The following CSMD2 variants were observed in gnomAD, a reference collection of about 807,000 sequenced individuals.
CSMD2 encodes CUB and Sushi multiple domains 2, also known as CUB and sushi domain-containing protein 2.
A neutral mutation model predicts 398.5 loss-of-function variants in CSMD2; 130 were observed. That is an observed-to-expected ratio of 0.33 (90% confidence interval 0.28 to 0.38). The LOEUF (loss-of-function observed/expected upper bound fraction) is 0.38, where lower values mean the gene tolerates loss of function less well. Among genes scored for constraint, CSMD2 ranks in the 10% least tolerant of loss-of-function variants. The probability of loss-of-function intolerance (pLI) is 1.00; values close to 1 mark genes in which losing one functional copy is unlikely to be tolerated. For missense variants in CSMD2, 3,829 were observed against 4,764.9 expected (o/e 0.80, Z 5.78); for synonymous variants, 1,828 against 1,908.5 (o/e 0.96, Z 1.10).
chr1:33,527,900 C>A (rs1052287684), intron 64 of CSMD2, among the ~76,000 whole-genome samples: 30 of 148,252 alleles, frequency 2.0e-4, no homozygotes, highest in Admixed American at 1.4e-3. Flanking sequence ...AAGATCATGC[C>A]ACTGCACTCC....
rs1643449709 is a variant in CSMD2 at position 33,646,718 on chromosome 1, G to C, written c.4704C>G (p.Ser1568Arg). The C allele has an allele frequency of 6.2e-7, 1 of 1,614,058 alleles. No homozygotes were observed. Among genetic ancestry groups the C allele is most frequent in the East Asian group, 2.2e-5 (1 of 44,894 alleles). ...SQLPGRIESS[S>R]NSLFLAFRSD... The stretch of plus-strand genomic sequence containing the variant: ...TGCGGAAGGCGAGGAAGAGGCTGTT[G>C]CTGCTGCTTTCAATGCGGCCTGGGA... Residue 1568 changes from serine to arginine, a missense_variant, in exon 29 of 71, where the codon AGC becomes AGG. By Grantham distance (110) the Ser-to-Arg change is moderately radical. Coordinates refer to ENST00000373381, the MANE Select transcript of CSMD2 (RefSeq NM_001281956.2).
At chr1:33,540,475 G>T (rs1656225681) in intron 60 of CSMD2, 50 bp downstream of exon 60, 1 of 1,595,830 alleles carries the variant, frequency 6.3e-7, no homozygotes, top group Non-Finnish European at 8.6e-7. Context: ...GGAGGCAAGG[G>T]GAAGGAGCTA....
intron 6 of CSMD2, among the ~76,000 whole-genome samples, chr1:33,832,357 C>T (rs563150704): frequency 3.3e-5 from 5 of 151,110 alleles, no homozygotes; most frequent in East Asian, 1.9e-4. Context: ...GATTCAGAAA[C>T]GGACTCAAAA....
At chr1:33,737,995 C>T (rs1646938368) in intron 15 of CSMD2, among the ~76,000 whole-genome samples, 2 of 151,924 alleles carry the variant, frequency 1.3e-5, no homozygotes, top group African/African-American at 2.4e-5. Flanking sequence ...GCTTGGGCCC[C>T]TCTCACTCAA....
At chr1:33,634,625 A>G (rs1335852850) in intron 31 of CSMD2, among the ~76,000 whole-genome samples, 2 of 152,226 alleles carry the variant, frequency 1.3e-5, no homozygotes, top group African/African-American at 4.8e-5. Flanking sequence ...ACTGCCAACC[A>G]GGTAATGAGC....
chr1:34,110,647 TAC>T (rs1457284875), intron 1 of CSMD2, among the ~76,000 whole-genome samples: 3 of 152,154 alleles, frequency 2.0e-5, no homozygotes, highest in Admixed American at 6.6e-5. Flanking sequence ...CACATATTCT[TAC>T]TTATAAGTGG....
At chr1:33,748,688 A>G in intron 13 of CSMD2, among the ~76,000 whole-genome samples, 1 of 152,204 alleles carries the variant, frequency 6.6e-6, no homozygotes, top group Non-Finnish European at 1.5e-5. Context: ...GCCCATTACA[A>G]AATAAAGATA....
intron 3 of CSMD2, among the ~76,000 whole-genome samples, chr1:34,031,205 G>C (rs1650365177): frequency 6.6e-6 from 1 of 151,808 alleles, no homozygotes; most frequent in South Asian, 2.1e-4. Flanking sequence ...TGGGATTACA[G>C]GTGTGTAACA....
intron 3 of CSMD2, among the ~76,000 whole-genome samples, chr1:34,012,033 G>C (rs74070213): frequency 6.6e-6 from 1 of 152,160 alleles, no homozygotes; most frequent in Non-Finnish European, 1.5e-5. Flanking sequence ...GCTAGAAGCC[G>C]TTTCCTCATC....
At chr1:33,768,738 T>C (rs1404098967) in intron 13 of CSMD2, among the ~76,000 whole-genome samples, 2 of 152,130 alleles carry the variant, frequency 1.3e-5, no homozygotes, top group African/African-American at 4.8e-5. Flanking sequence ...AGCTCAAGTC[T>C]TGTATCTTCT....
chr1:34,115,801 GCT>G (rs1661546006), intron 1 of CSMD2, among the ~76,000 whole-genome samples: 6 of 152,022 alleles, frequency 3.9e-5, no homozygotes, highest in Non-Finnish European at 7.4e-5. Flanking sequence ...TCGTGATATT[GCT>G]AATACAAAGT....
intron 1 of CSMD2, among the ~76,000 whole-genome samples, chr1:34,102,220 C>A (rs145322543): frequency 6.6e-6 from 1 of 152,024 alleles, no homozygotes; most frequent in Non-Finnish European, 1.5e-5. Flanking sequence ...TTAGTAGAGA[C>A]GGGGTTTCAC....
intron 15 of CSMD2, among the ~76,000 whole-genome samples, chr1:33,732,630 A>C (rs1048746517): frequency 3.3e-5 from 5 of 152,162 alleles, no homozygotes; most frequent in African/African-American, 1.2e-4. Context: ...AAATAAATTT[A>C]TGTTGTTTAA....
chr1:33,758,212 T>G (rs920755668), intron 13 of CSMD2, among the ~76,000 whole-genome samples: 1 of 152,242 alleles, frequency 6.6e-6, no homozygotes, highest in Non-Finnish European at 1.5e-5. Flanking sequence ...AATCCATGTT[T>G]GTATTTTTGC....
Position 33,600,880 on chromosome 1 carries a change from C to T in CSMD2, c.6841G>A (p.Ala2281Thr), listed in dbSNP as rs370698179. Residue 2281 changes from alanine (A) to threonine (T), a missense_variant, in exon 44 of 71, where the codon GCC (alanine) becomes ACC (threonine). Coordinates refer to ENST00000373381, the MANE Select transcript of CSMD2 (RefSeq NM_001281956.2). ...HRDAATGGIFAIAFSAYPLTK... is the reference protein window; with the variant it reads ...HRDAATGGIFTIAFSAYPLTK... ...CCATACTGACCGGAGAAAGCTATGG[C>T]GAAGATCCCCCCTGTGGCTGCATCA... The T allele has an allele frequency of 9.3e-6, 15 of 1,613,992 alleles. No individual in the cohort carries two copies. The highest frequency in any genetic ancestry group is 1.6e-4 in the Middle Eastern group (1 of 6,084).
chr1:33,656,204 G>A (rs1643940978), intron 27 of CSMD2, among the ~76,000 whole-genome samples: 1 of 152,116 alleles, frequency 6.6e-6, no homozygotes, highest in African/African-American at 2.4e-5. Context: ...TTGAGATTGG[G>A]GTTAGGCGTG....
chr1:34,015,477 T>C (rs1647956389), intron 3 of CSMD2, among the ~76,000 whole-genome samples: 1 of 152,158 alleles, frequency 6.6e-6, no homozygotes, highest in Admixed American at 6.5e-5. Context: ...GTGAGAGGCA[T>C]GAGGAGCCAC....
chr1:33,997,930 T>C (rs1051355429), intron 3 of CSMD2, among the ~76,000 whole-genome samples: 50 of 152,192 alleles, frequency 3.3e-4, no homozygotes, highest in African/African-American at 1.1e-3. Flanking sequence ...TCCAGCAAGA[T>C]AGGATGGGCA....
In CSMD2 at chr1:33,636,589, C is replaced by T. The variant is rs1239261405; in HGVS notation, c.4775-35G>A. On this transcript the variant is annotated intron_variant, in intron 29 of 70. Transcript: ENST00000373381. The surrounding 1 kb of genome is among the most constrained non-coding windows in gnomAD (Gnocchi z 4.8). Reference sequence around the variant, plus strand: ...AGAAATACAAACACGTGCACACACACAGAGGGCTCATGAGGAGGCTATTCT... The same window carrying T: ...AGAAATACAAACACGTGCACACACATAGAGGGCTCATGAGGAGGCTATTCT... The T allele has an allele frequency of 6.9e-6, 11 of 1,586,384 alleles. No homozygotes were observed. The highest frequency in any genetic ancestry group is 9.5e-6 in the Non-Finnish European group (11 of 1,157,164).
Sources: allele counts gnomAD v4.1 joint callset (sites outside exome capture counted in the v4.1 genomes callset), GRCh38; gene constraint gnomAD v4.1.1; non-coding constraint Gnocchi (gnomAD v3.1); transcripts MANE v1.5; gene names NCBI Gene and HGNC (gene_info 2026-07-23, HGNC 2026-07-21).